The following NUP210 variants were observed in gnomAD, a reference collection of about 807,000 sequenced individuals.
NUP210 encodes nucleoporin 210.
In NUP210, 151 loss-of-function variants were observed where a neutral mutation model predicts 196.0. That is an observed-to-expected ratio of 0.77 (90% confidence interval 0.67 to 0.88). The LOEUF (loss-of-function observed/expected upper bound fraction) is 0.88, where lower values mean the gene tolerates loss of function less well. Among genes scored for constraint, NUP210 ranks in the 40% least tolerant of loss-of-function variants. The probability of loss-of-function intolerance (pLI) is 0.00; values close to 1 mark genes in which losing one functional copy is unlikely to be tolerated. For synonymous variants in NUP210, 1,070 were observed against 1,052.7 expected (o/e 1.02, Z -0.32); for missense variants, 2,314 against 2,493.7 (o/e 0.93, Z 1.53).
At chr3:13,365,792 CT>C (rs1698510303) in intron 14 of NUP210, among the ~76,000 whole-genome samples, 153 bp downstream of exon 14, 1 of 152,256 alleles carries the variant, frequency 6.6e-6, no homozygotes, top group Non-Finnish European at 1.5e-5. Context: ...CACATGAATC[CT>C]GCTTTCAGCC....
At position 13,420,092 on chromosome 3, in the gene NUP210, G is replaced by A. The variant is rs1429217636; in HGVS notation, c.135C>T (p.Phe45=). ...AGCAGCCCTCCGAGGCCTCCAGCGT[G>A]AAGTTAACGCGCGTGGCCCGCGTGA... The part of the protein sequence containing the change: ...LPFTRATRVN[F]TLEASEGCYR... The change falls in exon 1 of 40, where the codon TTC becomes TTT. Residue 45 remains phenylalanine (F), a synonymous_variant. Transcript: ENST00000254508. This position sits in a 1 kb window ranked among gnomAD's most constrained non-coding sequence, Gnocchi z 4.8. The A allele has an allele frequency of 7.2e-7, 1 of 1,382,320 alleles. No homozygotes were observed. The highest frequency in any genetic ancestry group is 9.6e-7 in the Non-Finnish European group (1 of 1,047,074). 85.6% of individuals were successfully genotyped at this position (1,382,320 alleles called of 1,614,324 possible). A position where few individuals can be genotyped will look rare whatever the true frequency, so the allele number is the denominator to read the frequency against.
In NUP210 at chr3:13,323,238, C is replaced by T. The variant is rs1696609419; in HGVS notation, c.4768+71G>A. ...AATAGGAGAAGCAGATAAACTCCAT[C>T]CAGAGGACACAGGAAGCCACCTCCC... On this transcript the variant is annotated intron_variant, in intron 34 of 39. Transcript: ENST00000254508. This position sits in a 1 kb window ranked among gnomAD's most constrained non-coding sequence, Gnocchi z 4.3. 8.8e-6 allele frequency: 14 copies of T among 1,597,048 alleles called. No homozygotes were observed. In the South Asian group the frequency reaches 1.6e-4, roughly 18 times the overall value.
Position 13,323,538 on chromosome 3 carries a change from T to G in NUP210, c.4645-106A>C. 2 of 1,316,626 alleles carry G rather than the reference T, an allele frequency of 1.5e-6. No homozygotes were observed. The highest frequency in any genetic ancestry group is 1.5e-5 in the African/African-American group (1 of 68,646). The allele number at this position is 1,316,626 out of a possible 1,614,324, so 81.6% of individuals were successfully genotyped here. On this transcript the variant is annotated intron_variant, in intron 33 of 39. Transcript: ENST00000254508. This position sits in a 1 kb window ranked among gnomAD's most constrained non-coding sequence, Gnocchi z 4.3. ...CAGTCTGTGACATAGTGTCACCCGT[T>G]TCACAGGTGGCAACACTGAGGCTCA...
rs1697764789 is a variant in NUP210, at chr3:13,347,041, C to G, written c.2836-3738G>C. 1.0e-6 allele frequency: 1 copy of G among 985,274 alleles called. No homozygotes were observed. 61.0% of individuals were successfully genotyped at this position (985,274 alleles called of 1,614,324 possible). A position where few individuals can be genotyped will look rare whatever the true frequency, so the allele number is the denominator to read the frequency against. On this transcript the variant is annotated intron_variant, in intron 20 of 39. Transcript: ENST00000254508. This position sits in a 1 kb window ranked among gnomAD's most constrained non-coding sequence, Gnocchi z 4.7. ...AAAGGTGGATGCACCTGACTTCAGG[C>G]CCTGCAATTGCCACCCACTCCCCAC...
chr3:13,374,621 C>T (rs1288130939), intron 11 of NUP210, among the ~76,000 whole-genome samples: 1 of 152,210 alleles, frequency 6.6e-6, no homozygotes, highest in Non-Finnish European at 1.5e-5. Context: ...GGTGGCACCT[C>T]CCAGAGCTCA....
At chr3:13,390,053 G>A (rs1256986833) in intron 4 of NUP210, among the ~76,000 whole-genome samples, 2 of 152,132 alleles carry the variant, frequency 1.3e-5, no homozygotes, top group Non-Finnish European at 2.9e-5. Context: ...CTTGGGGCTG[G>A]GATCCTTCTT....
intron 2 of NUP210, among the ~76,000 whole-genome samples, chr3:13,398,502 A>G (rs1349574026): frequency 6.6e-6 from 1 of 152,250 alleles, no homozygotes; most frequent in Non-Finnish European, 1.5e-5. Context: ...GAAATAATGT[A>G]AAAGAATTCT....
intron 3 of NUP210, among the ~76,000 whole-genome samples, chr3:13,392,861 G>C (rs934115038): frequency 1.9e-4 from 29 of 151,336 alleles, no homozygotes; most frequent in African/African-American, 6.8e-4. Flanking sequence ...TCTCGGGGAA[G>C]AGCCCAGCAG....
chr3:13,337,449 G>A (rs962732801), intron 26 of NUP210, among the ~76,000 whole-genome samples: 4 of 152,248 alleles, frequency 2.6e-5, no homozygotes, highest in Non-Finnish European at 4.4e-5. Context: ...CCCTGGGCAC[G>A]GGTCTTAAGC....
At position 13,336,689 on chromosome 3, in the gene NUP210, C is replaced by T. The variant is rs1230712570; in HGVS notation, c.3684+98G>A. The T allele has an allele frequency of 5.8e-6, 8 of 1,377,094 alleles. No individual in the cohort carries two copies. In the African/African-American group the frequency reaches 1.0e-4, roughly 17 times the overall value. 85.3% of individuals were successfully genotyped at this position (1,377,094 alleles called of 1,614,324 possible). A position where few individuals can be genotyped will look rare whatever the true frequency, so the allele number is the denominator to read the frequency against. The stretch of plus-strand genomic sequence containing the variant: ...GCCTCTCTAGGTGTGAGGGTGGGGA[C>T]TTCCTGTGGGACAATGTGGCAGGAA... On this transcript the variant is annotated intron_variant, in intron 27 of 39. Transcript: ENST00000254508.
chr3:13,336,484 G>A (rs895008885), intron 27 of NUP210, among the ~76,000 whole-genome samples: 1 of 152,194 alleles, frequency 6.6e-6, no homozygotes, highest in Non-Finnish European at 1.5e-5. Context: ...GAAACCGAGG[G>A]CTGCCAGGCA....
intron 16 of NUP210, chr3:13,354,720 C>T (rs950920895): frequency 3.3e-5 from 5 of 152,486 alleles, no homozygotes; most frequent in Admixed American, 1.3e-4. Context: ...AAGTGGAATA[C>T]TCGCCTAATC....
intron 28 of NUP210, among the ~76,000 whole-genome samples, chr3:13,334,225 A>C (rs1184486509): frequency 6.6e-6 from 1 of 152,258 alleles, no homozygotes; most frequent in African/African-American, 2.4e-5. Flanking sequence ...AAACAGAGGC[A>C]CAGAGCTGCC....
chr3:13,410,053 G>A (rs1008457554), intron 1 of NUP210, among the ~76,000 whole-genome samples: 2 of 149,328 alleles, frequency 1.3e-5, no homozygotes, highest in South Asian at 2.1e-4. Flanking sequence ...TAGTAGAAAC[G>A]GTTTCACCGT....
At chr3:13,405,892 A>G in intron 1 of NUP210, among the ~76,000 whole-genome samples, 1 of 152,216 alleles carries the variant, frequency 6.6e-6, no homozygotes, top group Middle Eastern at 3.2e-3. Flanking sequence ...CACACCCACC[A>G]GTTTAGATGA....
rs548674828 is a variant in NUP210, at chr3:13,325,497, C to T, written c.4644+298G>A. Among the ~76,000 whole-genome samples the T allele has an allele frequency of 4.6e-5, 7 of 152,280 alleles. No homozygotes were observed. In the East Asian group the frequency reaches 1.4e-3, roughly 29 times the overall value. On this transcript the variant is annotated intron_variant, in intron 33 of 39. Transcript: ENST00000254508. ...CAGGTGACAGGGAAGCACCGGCTCC[C>T]AGGAAGTGCCCACTCCGGGGTTGCC...
At chr3:13,366,311 T>A (rs917264055) in intron 13 of NUP210, among the ~76,000 whole-genome samples, 5 of 151,858 alleles carry the variant, frequency 3.3e-5, no homozygotes, top group African/African-American at 1.2e-4. Context: ...GTATTTTTTT[T>A]AATAGAGACG....
chr3:13,378,588 C>T (rs1299368241), intron 8 of NUP210, among the ~76,000 whole-genome samples: 1 of 152,224 alleles, frequency 6.6e-6, no homozygotes, highest in Non-Finnish European at 1.5e-5. Flanking sequence ...CACTGGGCCC[C>T]AACCTCTAAA....
At chr3:13,358,188 C>A (rs1448073313) in intron 16 of NUP210, 34 bp downstream of exon 16, 3 of 1,567,070 alleles carry the variant, frequency 1.9e-6, no homozygotes, top group South Asian at 1.2e-5. Flanking sequence ...GCGGGTGGCA[C>A]CCTCACCTCC....
Sources: gnomAD v4.1 joint callset for allele counts (sites outside exome capture counted in the v4.1 genomes callset) on GRCh38, gnomAD v4.1.1 for gene constraint, Gnocchi (gnomAD v3.1) non-coding constraint, MANE v1.5 for transcripts, NCBI Gene and HGNC (gene_info 2026-07-23, HGNC 2026-07-21) for gene names.